The following PRKACB variants were observed in gnomAD, a reference collection of about 807,000 sequenced individuals.
PRKACB encodes cAMP-dependent protein kinase catalytic subunit beta.
PRKACB carries 16 observed loss-of-function variants against 51.4 expected under a neutral mutation model. The observed-to-expected ratio is 0.31, with a 90% CI of 0.21 to 0.47. PRKACB has a LOEUF of 0.47. PRKACB is among the 20% of genes least tolerant of loss of function. PRKACB has a pLI of 1.00. For synonymous variants in PRKACB, 147 were observed against 154.4 expected (o/e 0.95, Z 0.35); for missense variants, 309 against 464.5 (o/e 0.67, Z 3.08).
intron 1 of PRKACB, among the ~76,000 whole-genome samples, chr1:84,082,477 A>G (rs1647618050): frequency 6.6e-6 from 1 of 152,194 alleles, no homozygotes; most frequent in African/African-American, 2.4e-5. Context: ...ATGTACTTAA[A>G]GCCTTAATTA....
At chr1:84,157,760 A>G (rs531347020) in intron 1 of PRKACB, among the ~76,000 whole-genome samples, 6 of 152,292 alleles carry the variant, frequency 3.9e-5, no homozygotes, top group South Asian at 2.1e-4. Flanking sequence ...GAATTATACT[A>G]TGTTGTATGG....
chr1:84,178,015 A>G (rs1308749725), intron 1 of PRKACB, among the ~76,000 whole-genome samples: 1 of 152,082 alleles, frequency 6.6e-6, no homozygotes, highest in Non-Finnish European at 1.5e-5. Flanking sequence ...TCATACTCTA[A>G]TGTTACTTAA....
chr1:84,143,494 G>A (rs1207680087), upstream of PRKACB, among the ~76,000 whole-genome samples: 5 of 152,040 alleles, frequency 3.3e-5, no homozygotes, highest in African/African-American at 1.2e-4. Context: ...ACTAAATCAG[G>A]GGTTTAGGTA....
chr1:84,204,553 T>A, intron 8 of PRKACB: 2 of 1,590,784 alleles, frequency 1.3e-6, no homozygotes, highest in Non-Finnish European at 8.6e-7. Context: ...TTTTGAAGAA[T>A]TTGAGAAGTG....
Position 84,212,502 on chromosome 1 carries a change from A to G in PRKACB, c.907-1651A>G, listed in dbSNP as rs145932177. The stretch of plus-strand genomic sequence containing the variant: ...TGAGCTTTTAGAAAGTCAGAATATA[A>G]ATTAAGGAGTCTATATATTTGAAGA... On this transcript the variant is annotated intron_variant, in intron 8 of 9. Transcript: ENST00000370685. 2.5e-3 allele frequency among the ~76,000 whole-genome samples: 369 copies of G among 148,448 alleles called. 3 individuals are homozygous for G. Among genetic ancestry groups the G allele is most frequent in the African/African-American group, 9.3e-3 (354 of 37,958 alleles).
chr1:84,188,529 A>ATT (rs1274324144), intron 5 of PRKACB, among the ~76,000 whole-genome samples: 1 of 151,952 alleles, frequency 6.6e-6, no homozygotes, highest in Non-Finnish European at 1.5e-5. Context: ...AACAAGTAAA[A>ATT]TTAGTTATTT....
chr1:84,086,191 T>C, intron 1 of PRKACB: 2 of 1,598,718 alleles, frequency 1.3e-6, no homozygotes, highest in East Asian at 4.5e-5. Flanking sequence ...GCATCAAAGA[T>C]GAGGATCAGC....
At chr1:84,079,907 C>G (rs1435438710) in intron 1 of PRKACB, among the ~76,000 whole-genome samples, 1 of 151,694 alleles carries the variant, frequency 6.6e-6, no homozygotes, top group East Asian at 1.9e-4. Context: ...CTCAGGTAAT[C>G]CACCCACCTC....
intron 5 of PRKACB, among the ~76,000 whole-genome samples, chr1:84,189,544 A>G (rs921910205): frequency 6.6e-6 from 1 of 151,896 alleles, no homozygotes; most frequent in Non-Finnish European, 1.5e-5. Context: ...ATACCTTTCA[A>G]GAAAGAGAAG....
chr1:84,176,984 C>T (rs1233103698), intron 1 of PRKACB, among the ~76,000 whole-genome samples: 1 of 151,912 alleles, frequency 6.6e-6, no homozygotes, highest in Non-Finnish European at 1.5e-5. Flanking sequence ...TACTGTCAGT[C>T]CTTCCTTTGA....
At chr1:84,169,762 G>C (rs774785072) in intron 1 of PRKACB, among the ~76,000 whole-genome samples, 4 of 151,550 alleles carry the variant, frequency 2.6e-5, no homozygotes, top group Non-Finnish European at 5.9e-5. Flanking sequence ...TAAATTGAAA[G>C]ACCTCATTTT....
chr1:84,138,304 A>C (rs1653031056), intron 1 of PRKACB, among the ~76,000 whole-genome samples: 1 of 152,224 alleles, frequency 6.6e-6, no homozygotes, highest in Admixed American at 6.5e-5. Flanking sequence ...CCCATGGTCA[A>C]AATGGAATAA....
chr1:84,196,868 T>C, intron 6 of PRKACB, 126 bp downstream of exon 6: 1 of 1,068,088 alleles, frequency 9.4e-7, no homozygotes, highest in Non-Finnish European at 1.3e-6. Flanking sequence ...TAAGTAGAGC[T>C]CAGAGTTTTG....
At chr1:84,202,958 T>C (rs1274323472) in intron 8 of PRKACB, among the ~76,000 whole-genome samples, 153 bp downstream of exon 8, 1 of 152,004 alleles carries the variant, frequency 6.6e-6, no homozygotes, top group Non-Finnish European at 1.5e-5. Context: ...AAGAATTGAA[T>C]CATTTCAGTC....
chr1:84,140,065 A>G (rs1338697243), upstream of PRKACB, among the ~76,000 whole-genome samples: 1 of 152,188 alleles, frequency 6.6e-6, no homozygotes, highest in Non-Finnish European at 1.5e-5. Context: ...GTCTCAAGAA[A>G]AAAAGGAAAA....
At chr1:84,167,343 T>C (rs554650251) in intron 1 of PRKACB, among the ~76,000 whole-genome samples, 26 of 151,746 alleles carry the variant, frequency 1.7e-4, no homozygotes, top group African/African-American at 6.0e-4. Flanking sequence ...ATGACTTACC[T>C]TTTTGGTTTT....
chr1:84,146,821 A>G (rs1423109369), intron 1 of PRKACB, among the ~76,000 whole-genome samples: 1 of 152,046 alleles, frequency 6.6e-6, no homozygotes, highest in Non-Finnish European at 1.5e-5. Context: ...GAAGAAACAC[A>G]GAACAAAGGC....
At chr1:84,181,817 C>A in intron 2 of PRKACB, 2 of 903,296 alleles carry the variant, frequency 2.2e-6, no homozygotes, top group Non-Finnish European at 3.1e-6. Context: ...GCTTCTATGA[C>A]TCTTTGTCAG....
At chr1:84,138,054 G>A (rs1478778065) in intron 1 of PRKACB, among the ~76,000 whole-genome samples, 2 of 152,172 alleles carry the variant, frequency 1.3e-5, no homozygotes, top group Non-Finnish European at 1.5e-5. Flanking sequence ...GTAGATGAAT[G>A]TACCCACTTG....
Sources: gnomAD v4.1 joint callset for allele counts (sites outside exome capture counted in the v4.1 genomes callset) on GRCh38, gnomAD v4.1.1 for gene constraint, MANE v1.5 for transcripts, NCBI Gene and HGNC (gene_info 2026-07-23, HGNC 2026-07-21) for gene names.